NECTIN3: variants seen among roughly 807,000 people sequenced by gnomAD.
NECTIN3 encodes nectin-3.
NECTIN3 carries 8 observed loss-of-function variants against 49.4 expected under a neutral mutation model. The ratio of observed to expected loss-of-function variants is 0.16; its 90% CI spans 0.10 to 0.29. NECTIN3 has a LOEUF of 0.29. Among genes scored for constraint, NECTIN3 ranks in the 10% least tolerant of loss-of-function variants. The pLI, the probability that NECTIN3 is intolerant of heterozygous loss-of-function variation, is 1.00. For synonymous variants in NECTIN3, 277 were observed against 241.1 expected (o/e 1.15, Z -1.38); for missense variants, 581 against 654.6 (o/e 0.89, Z 1.23).
At chr3:111,165,372 G>C (rs1416036283) in intron 7 of NECTIN3, among the ~76,000 whole-genome samples, 1 of 151,952 alleles carries the variant, frequency 6.6e-6, no homozygotes, top group Non-Finnish European at 1.5e-5. Flanking sequence ...TCTTTTTGCT[G>C]TCCACATTAT....
chr3:111,141,479 TATA>T (rs141434702), downstream of NECTIN3, among the ~76,000 whole-genome samples: 4,855 of 152,054 alleles, frequency 0.032, 86 homozygotes, highest in Middle Eastern at 0.058. Context: ...ATTTATTATT[TATA>T]ATATTTTTGT....
intron 7 of NECTIN3, among the ~76,000 whole-genome samples, chr3:111,179,028 A>G (rs757961531): frequency 6.6e-6 from 1 of 152,224 alleles, no homozygotes; most frequent in Non-Finnish European, 1.5e-5. Flanking sequence ...CTATATAGCT[A>G]CCTGCTATAT....
chr3:111,123,950 G>A (rs1481341142), intron 4 of NECTIN3, among the ~76,000 whole-genome samples: 1 of 152,092 alleles, frequency 6.6e-6, no homozygotes, highest in African/African-American at 2.4e-5. Flanking sequence ...CTAAAAGTGT[G>A]TTGAAACATC....
At position 111,087,745 on chromosome 3, in the gene NECTIN3, C is replaced by CTGGA. The variant is rs1297590448; in HGVS notation, c.160+15569_160+15572dup. Among the ~76,000 whole-genome samples, 4 of 151,662 alleles carry CTGGA rather than the reference C, an allele frequency of 2.6e-5. No homozygotes were observed. The East Asian group carries it at 7.8e-4, about 30-fold the overall frequency. On this transcript the variant is annotated intron_variant, in intron 1 of 5. Transcript: ENST00000485303. The stretch of plus-strand genomic sequence containing the variant: ...ACCGAGTCTTGTTCTGTTGCCCAGG[C>CTGGA]TGGAGTGCAATGGCATGATCCCAGC...
chr3:111,175,247 T>C (rs1054230660), intron 7 of NECTIN3, among the ~76,000 whole-genome samples: 1 of 151,720 alleles, frequency 6.6e-6, no homozygotes, highest in Non-Finnish European at 1.5e-5. Flanking sequence ...TTGGTTTATA[T>C]GGGTACAGGA....
chr3:111,087,285 A>G (rs1483564360), intron 1 of NECTIN3, among the ~76,000 whole-genome samples: 1 of 152,118 alleles, frequency 6.6e-6, no homozygotes, highest in African/African-American at 2.4e-5. Context: ...GCATTGTTAC[A>G]TGTGTAATCT....
chr3:111,094,083 CTG>C (rs770270873), intron 1 of NECTIN3, among the ~76,000 whole-genome samples: 12 of 151,872 alleles, frequency 7.9e-5, no homozygotes, highest in Non-Finnish European at 1.5e-4. Flanking sequence ...CAAAAACAAA[CTG>C]TGGCAATACT....
At chr3:111,165,526 G>A (rs2035302354) in intron 7 of NECTIN3, among the ~76,000 whole-genome samples, 1 of 152,158 alleles carries the variant, frequency 6.6e-6, no homozygotes, top group Admixed American at 6.5e-5. Context: ...AATCTTTTAA[G>A]GAAATGTAAG....
intron 5 of NECTIN3, among the ~76,000 whole-genome samples, chr3:111,144,362 A>C (rs984712274): frequency 6.6e-6 from 1 of 151,974 alleles, no homozygotes; most frequent in African/African-American, 2.4e-5. Context: ...ATTTTGTGCA[A>C]GTCCTGTTTT....
chr3:111,188,237 A>T (rs2035755534), upstream of NECTIN3, among the ~76,000 whole-genome samples: 2 of 152,370 alleles, frequency 1.3e-5, no homozygotes, highest in South Asian at 4.1e-4. Context: ...AAATCTTGTC[A>T]GAGTTTATAT....
chr3:111,087,329 G>C (rs2031989412), intron 1 of NECTIN3, among the ~76,000 whole-genome samples: 1 of 152,094 alleles, frequency 6.6e-6, no homozygotes, highest in African/African-American at 2.4e-5. Context: ...TCAAAATTAA[G>C]TATAATTTTT....
chr3:111,168,206 G>A (rs1165930469), intron 7 of NECTIN3, among the ~76,000 whole-genome samples: 1 of 152,142 alleles, frequency 6.6e-6, no homozygotes, highest in Non-Finnish European at 1.5e-5. Context: ...GTAATACAGA[G>A]GAGAAGATAG....
At chr3:111,075,204 A>G (rs2031095389) in intron 1 of NECTIN3, 1 of 152,082 alleles carries the variant, frequency 6.6e-6, no homozygotes, top group Non-Finnish European at 1.5e-5. Flanking sequence ...TTTGTGAGGT[A>G]TTTTGATTTG....
intron 7 of NECTIN3, among the ~76,000 whole-genome samples, chr3:111,178,003 C>A (rs2035561317): frequency 1.3e-5 from 2 of 152,088 alleles, no homozygotes; most frequent in South Asian, 4.1e-4. Context: ...GAGAATTAAG[C>A]AAGACCATAA....
chr3:111,134,335 C>G lies in NECTIN3; in HGVS notation c.*120C>G. On this transcript the variant is annotated 3_prime_UTR_variant, in exon 6 of 6. Coordinates refer to ENST00000485303, the MANE Select transcript of NECTIN3 (RefSeq NM_015480.3). Reference sequence around the variant, plus strand: ...TTTTTCAAGTTGATTTTCAAGCTTACTTTTTATATTCTAATCTGACAAATG... The same window carrying G: ...TTTTTCAAGTTGATTTTCAAGCTTAGTTTTTATATTCTAATCTGACAAATG... The G allele has an allele frequency of 7.0e-7, 1 of 1,435,316 alleles. No individual in the cohort carries two copies. The highest frequency in any genetic ancestry group is 1.6e-5 in the South Asian group (1 of 62,338). 88.9% of individuals were successfully genotyped at this position (1,435,316 alleles called of 1,614,324 possible). A position where few individuals can be genotyped will look rare whatever the true frequency, so the allele number is the denominator to read the frequency against.
At chr3:111,126,469 T>C in intron 5 of NECTIN3, 134 bp downstream of exon 5, 3 of 736,686 alleles carry the variant, frequency 4.1e-6, no homozygotes, top group Non-Finnish European at 6.5e-6. Context: ...CCAAATAATC[T>C]AAAAGGAATA....
intron 7 of NECTIN3, among the ~76,000 whole-genome samples, chr3:111,151,506 A>ACTT (rs1287104801): frequency 6.6e-6 from 1 of 151,922 alleles, no homozygotes; most frequent in East Asian, 1.9e-4. Context: ...TTTGTAATAG[A>ACTT]CTTCTCAGTG....
Position 111,134,426 on chromosome 3 carries a change from T to G in NECTIN3, c.*211T>G. The G allele has an allele frequency of 8.0e-7, 1 of 1,249,380 alleles. No homozygotes were observed. The highest frequency in any genetic ancestry group is 1.5e-5 in the African/African-American group (1 of 64,542). 77.4% of individuals were successfully genotyped at this position (1,249,380 alleles called of 1,614,324 possible). A position where few individuals can be genotyped will look rare whatever the true frequency, so the allele number is the denominator to read the frequency against. ...CAATTTTTTTTCAATGCTGTACTAC[T>G]GTCTCAAGATTTAAATTTTAATGCA... On this transcript the variant is annotated 3_prime_UTR_variant, in exon 6 of 6. Transcript: ENST00000485303.
chr3:111,074,041 G>A (rs1205426368), intron 1 of NECTIN3, among the ~76,000 whole-genome samples: 1 of 151,442 alleles, frequency 6.6e-6, no homozygotes, highest in Non-Finnish European at 1.5e-5. Context: ...AACTCTTCTT[G>A]TTGTAGAGGT....
Sources: allele counts gnomAD v4.1 joint callset (sites outside exome capture counted in the v4.1 genomes callset), GRCh38; gene constraint gnomAD v4.1.1; transcripts MANE v1.5; gene names NCBI Gene and HGNC (gene_info 2026-07-23, HGNC 2026-07-21).